The following NKAIN3 variants were observed in gnomAD, a reference collection of about 807,000 sequenced individuals.
NKAIN3 encodes sodium/potassium transporting ATPase interacting 3.
NKAIN3 carries 25 observed loss-of-function variants against 30.2 expected under a neutral mutation model. That is an observed-to-expected ratio of 0.83 (90% CI 0.60 to 1.16). The LOEUF (loss-of-function observed/expected upper bound fraction) is 1.16. NKAIN3 is among the 50% of genes most tolerant of loss of function. The pLI, the probability that NKAIN3 is intolerant of heterozygous loss-of-function variation, is 0.00. For missense variants in NKAIN3, 225 were observed against 254.1 expected, an observed-to-expected ratio of 0.89 and a Z score of 0.78; for synonymous variants, 91 against 89.6, an observed-to-expected ratio of 1.02 and a Z score of -0.09.
At chr8:62,955,887 G>A (rs1432531957) in intron 6 of NKAIN3, among the ~76,000 whole-genome samples, 1 of 152,236 alleles carries the variant, frequency 6.6e-6, no homozygotes, top group Admixed American at 6.5e-5. Flanking sequence ...TGACCTAGCA[G>A]TGGATAGCTG....
chr8:62,608,883 A>C (rs554204948), intron 3 of NKAIN3, among the ~76,000 whole-genome samples: 7 of 152,184 alleles, frequency 4.6e-5, no homozygotes, highest in Non-Finnish European at 1.0e-4. Flanking sequence ...AAAATGTCCA[A>C]TGATTTAGAA....
intron 1 of NKAIN3, among the ~76,000 whole-genome samples, chr8:62,428,709 T>A (rs1185666363): frequency 1.3e-5 from 2 of 151,866 alleles, no homozygotes; most frequent in African/African-American, 2.4e-5. Context: ...TGTTTATTTG[T>A]TATTGAGTTG....
chr8:62,863,358 C>T (rs1820314261), intron 4 of NKAIN3: 4 of 1,545,948 alleles, frequency 2.6e-6, no homozygotes, highest in African/African-American at 2.7e-5. Flanking sequence ...TCTCAGCTGC[C>T]GTTCTTCTCA....
intron 4 of NKAIN3, among the ~76,000 whole-genome samples, chr8:62,853,727 G>C (rs758224252): frequency 3.9e-5 from 6 of 152,046 alleles, no homozygotes; most frequent in African/African-American, 1.2e-4. Flanking sequence ...TCTGATGTTG[G>C]TTATTTTTGC....
intron 5 of NKAIN3, among the ~76,000 whole-genome samples, chr8:62,925,897 C>G (rs895333945): frequency 1.4e-4 from 22 of 152,174 alleles, no homozygotes; most frequent in African/African-American, 5.3e-4. Context: ...AACAGGCCCT[C>G]TACACGAATG....
chr8:62,536,314 A>G (rs1808662380), intron 1 of NKAIN3, among the ~76,000 whole-genome samples: 2 of 152,310 alleles, frequency 1.3e-5, no homozygotes, highest in South Asian at 4.1e-4. Context: ...ATGGATGACA[A>G]GCTGCTTTCT....
At chr8:62,708,390 A>G (rs895864261) in intron 3 of NKAIN3, among the ~76,000 whole-genome samples, 1 of 152,020 alleles carries the variant, frequency 6.6e-6, no homozygotes, top group African/African-American at 2.4e-5. Context: ...TATGTTGTCT[A>G]TGATTTCTTT....
intron 1 of NKAIN3, among the ~76,000 whole-genome samples, chr8:62,497,889 C>T (rs539245552): frequency 4.7e-4 from 72 of 152,178 alleles, no homozygotes; most frequent in South Asian, 4.1e-3. Context: ...TTAGGATTAA[C>T]GTTAGTAAGC....
chr8:62,867,054 T>TAAAA (rs11444625), intron 4 of NKAIN3, among the ~76,000 whole-genome samples: 1 of 119,566 alleles, frequency 8.4e-6, no homozygotes, highest in Non-Finnish European at 1.7e-5. Context: ...GACTCCGTCT[T>TAAAA]AAAAAAAAAA....
At chr8:62,415,787 T>C (rs1804425394) in intron 1 of NKAIN3, among the ~76,000 whole-genome samples, 1 of 151,378 alleles carries the variant, frequency 6.6e-6, no homozygotes, top group African/African-American at 2.4e-5. Flanking sequence ...AGACAGAGTC[T>C]CGCTCTGTCG....
At chr8:62,882,818 A>G in intron 4 of NKAIN3, among the ~76,000 whole-genome samples, 1 of 152,186 alleles carries the variant, frequency 6.6e-6, no homozygotes, top group East Asian at 1.9e-4. Context: ...TCTTTGCTCC[A>G]TTATGCTACC....
chr8:62,633,711 C>T lies in NKAIN3; in HGVS notation c.273+43917C>T, dbSNP rs114257512. On this transcript the variant is annotated intron_variant, in intron 3 of 6. Transcript: ENST00000623646. ...CAGATGCCACGCTGTCTGTCATGGA[C>T]CCCTCCAACTTCAGCCACCTTATTG... is the stretch of plus-strand genomic sequence containing the variant. Among the ~76,000 whole-genome samples the T allele has an allele frequency of 4.8e-3, 738 of 152,242 alleles. 7 individuals are homozygous for T. The highest frequency in any genetic ancestry group is 0.017 in the African/African-American group (706 of 41,542).
intron 3 of NKAIN3, among the ~76,000 whole-genome samples, chr8:62,615,187 G>C (rs1811414369): frequency 6.6e-6 from 1 of 152,070 alleles, no homozygotes; most frequent in African/African-American, 2.4e-5. Flanking sequence ...TTGTTATTCA[G>C]AGCCCAACAG....
intron 4 of NKAIN3, among the ~76,000 whole-genome samples, chr8:62,884,226 C>T (rs1401358380): frequency 6.6e-6 from 1 of 151,822 alleles, no homozygotes; most frequent in Non-Finnish European, 1.5e-5. Flanking sequence ...GATCACATAC[C>T]CTCTGCCTCT....
intron 1 of NKAIN3, among the ~76,000 whole-genome samples, chr8:62,296,668 T>G (rs1813841154): frequency 1.3e-5 from 2 of 152,188 alleles, no homozygotes; most frequent in African/African-American, 4.8e-5. Flanking sequence ...TATGTTAGAC[T>G]TGTAAATTTA....
At chr8:62,736,657 C>CA (rs1284167084) in intron 3 of NKAIN3, among the ~76,000 whole-genome samples, 1 of 152,178 alleles carries the variant, frequency 6.6e-6, no homozygotes, top group Non-Finnish European at 1.5e-5. Context: ...CACACATCCC[C>CA]ACCTGCCAAT....
chr8:62,862,983 G>A, intron 4 of NKAIN3: 1 of 500,988 alleles, frequency 2.0e-6, no homozygotes, highest in Non-Finnish European at 3.6e-6. Flanking sequence ...GTGTGTGCAT[G>A]TGTATGCATA....
At chr8:62,275,044 C>T (rs1181749788) in intron 1 of NKAIN3, among the ~76,000 whole-genome samples, 17 of 151,772 alleles carry the variant, frequency 1.1e-4, no homozygotes, top group East Asian at 5.8e-4. Flanking sequence ...TGAATAGTGC[C>T]GCAATAAACA....
intron 4 of NKAIN3, among the ~76,000 whole-genome samples, chr8:62,772,778 A>G (rs1480449583): frequency 1.3e-5 from 2 of 151,266 alleles, no homozygotes; most frequent in Admixed American, 6.6e-5. Context: ...CTTTTGCCTC[A>G]GTCTCCCAAG....
Sources: gnomAD v4.1 joint callset for allele counts (sites outside exome capture counted in the v4.1 genomes callset) on GRCh38, gnomAD v4.1.1 for gene constraint, MANE v1.5 for transcripts, NCBI Gene and HGNC (gene_info 2026-07-23, HGNC 2026-07-21) for gene names.